The following SLC25A48 variants were observed in gnomAD, a reference collection of about 807,000 sequenced individuals.
The protein encoded by SLC25A48 is CTC-321K16.1.
Under a neutral mutation model 32.2 loss-of-function variants are expected in SLC25A48, and 29 were observed. The observed-to-expected ratio is 0.90, with a 90% CI of 0.67 to 1.23. The LOEUF (loss-of-function observed/expected upper bound fraction) is 1.23. Among genes scored for constraint, SLC25A48 ranks in the 50% most tolerant of loss-of-function variants. The pLI, the probability that SLC25A48 is intolerant of heterozygous loss-of-function variation, is 0.00. For missense variants in SLC25A48, 399 were observed against 422.7 expected (o/e 0.94, Z 0.49); for synonymous variants, 164 against 172.3 (o/e 0.95, Z 0.38).
At chr5:135,670,885 T>G (rs939914546) in intron 3 of SLC25A48, among the ~76,000 whole-genome samples, 4 of 152,160 alleles carry the variant, frequency 2.6e-5, no homozygotes, top group African/African-American at 9.7e-5. Context: ...ATTAATAGCC[T>G]CCCTCCCCAG....
At chr5:135,743,418 T>C (rs1172946981) in intron 3 of SLC25A48, among the ~76,000 whole-genome samples, 1 of 151,952 alleles carries the variant, frequency 6.6e-6, no homozygotes, top group Non-Finnish European at 1.5e-5. Flanking sequence ...TGGCATCTGA[T>C]GGGTAGAGGC....
Position 135,667,762 on chromosome 5 carries a change from A to G in SLC25A48, c.-521+32806A>G, listed in dbSNP as rs571166571. Among the ~76,000 whole-genome samples the G allele has an allele frequency of 2.0e-5, 3 of 152,372 alleles. No homozygotes were observed. The South Asian group carries it at 6.2e-4, about 32-fold the overall frequency. ...ACCTTTGAATGAATGACGTAAAGCC[A>G]TAAAAAATCCTGTCATTTAAAAGTT... On this transcript the variant is annotated intron_variant, in intron 3 of 10. Transcript: ENST00000646290.
At position 135,834,790 on chromosome 5, in the gene SLC25A48, CCA is replaced by C; in HGVS notation, c.-56_-55del. ...CGCGCTCGCGCCCGCGGGCCATGCC[CCA>C]CTGACTCTAAGTGGGCACTGCCCCG... On this transcript the variant is annotated 5_prime_UTR_variant, in exon 1 of 8. An upstream open reading frame in the 5' UTR loses its in-frame stop. Transcript: ENST00000681962. 1.3e-6 allele frequency: 2 copies of C among 1,519,000 alleles called. No individual in the cohort carries two copies. The highest frequency in any genetic ancestry group is 1.8e-6 in the Non-Finnish European group (2 of 1,128,718). The allele number at this position is 1,519,000 out of a possible 1,614,324, so 94.1% of individuals were successfully genotyped here.
At chr5:135,740,234 C>T (rs138521604) in intron 3 of SLC25A48, among the ~76,000 whole-genome samples, 1,524 of 152,130 alleles carry the variant, frequency 0.01, 34 homozygotes, top group African/African-American at 0.035. Flanking sequence ...CGGTCTGTCA[C>T]CCAGGCTGGA....
At chr5:135,660,463 C>T (rs1488197167) in intron 3 of SLC25A48, among the ~76,000 whole-genome samples, 2 of 152,216 alleles carry the variant, frequency 1.3e-5, no homozygotes, top group East Asian at 3.9e-4. Context: ...CCTAAGCCCT[C>T]TGCCATTTGG....
chr5:135,595,025 C>T (rs1003645835), intron 1 of SLC25A48, among the ~76,000 whole-genome samples: 4 of 152,164 alleles, frequency 2.6e-5, no homozygotes, highest in Non-Finnish European at 5.9e-5. Flanking sequence ...TCAGCCTCAT[C>T]GATCTGAGGC....
At chr5:135,842,009 C>T (rs1759043135) in intron 1 of SLC25A48, among the ~76,000 whole-genome samples, 1 of 152,176 alleles carries the variant, frequency 6.6e-6, no homozygotes, top group Admixed American at 6.5e-5. Context: ...CACTTGGTAT[C>T]ATATCTGAGA....
intron 2 of SLC25A48, among the ~76,000 whole-genome samples, chr5:135,846,758 A>G (rs1292942821): frequency 4.6e-5 from 7 of 152,148 alleles, no homozygotes; most frequent in East Asian, 3.8e-4. Context: ...CCCATTCTCT[A>G]TAAGGACCAA....
At chr5:135,698,336 G>A in intron 3 of SLC25A48, among the ~76,000 whole-genome samples, 1 of 152,146 alleles carries the variant, frequency 6.6e-6, no homozygotes, top group East Asian at 1.9e-4. Context: ...TTTTTCTTTG[G>A]CTGGTGGTTC....
intron 1 of SLC25A48, among the ~76,000 whole-genome samples, chr5:135,625,210 A>C (rs1255970628): frequency 6.6e-6 from 1 of 152,050 alleles, no homozygotes; most frequent in Non-Finnish European, 1.5e-5. Context: ...CCCTGAAGGG[A>C]AGGGTTTTCT....
At chr5:135,787,659 TA>T (rs1457689262) in intron 3 of SLC25A48, among the ~76,000 whole-genome samples, 12 of 151,960 alleles carry the variant, frequency 7.9e-5, no homozygotes, top group Admixed American at 1.3e-4. Context: ...CGTAATATCC[TA>T]GGGGGGATGT....
chr5:135,788,328 T>A (rs1580880070), intron 3 of SLC25A48, among the ~76,000 whole-genome samples: 1 of 131,622 alleles, frequency 7.6e-6, no homozygotes. Flanking sequence ...GGGAGAGAGG[T>A]GATATTACTC....
intron 3 of SLC25A48, among the ~76,000 whole-genome samples, chr5:135,751,235 T>C (rs968280216): frequency 6.6e-6 from 1 of 152,184 alleles, no homozygotes; most frequent in African/African-American, 2.4e-5. Flanking sequence ...GCTCAGGCCC[T>C]CCTCCTTCTC....
chr5:135,883,976 T>C (rs1201571106), intron 7 of SLC25A48, among the ~76,000 whole-genome samples: 2 of 152,170 alleles, frequency 1.3e-5, no homozygotes, highest in African/African-American at 4.8e-5. Flanking sequence ...TAGTCAATCA[T>C]AGAGCCCTTT....
chr5:135,734,377 G>T (rs183857926), intron 3 of SLC25A48, among the ~76,000 whole-genome samples: 449 of 152,216 alleles, frequency 2.9e-3, no homozygotes, highest in Non-Finnish European at 4.6e-3. Context: ...AACTAAAAAA[G>T]ACTTCATAAA....
chr5:135,581,234 T>G (rs971865153), intron 1 of SLC25A48, among the ~76,000 whole-genome samples: 1 of 152,272 alleles, frequency 6.6e-6, no homozygotes, highest in African/African-American at 2.4e-5. Flanking sequence ...GTCATACAGA[T>G]GTACCAGAAT....
chr5:135,632,233 A>G (rs1054918379), intron 2 of SLC25A48, among the ~76,000 whole-genome samples: 3 of 152,218 alleles, frequency 2.0e-5, no homozygotes, highest in African/African-American at 7.2e-5. Flanking sequence ...GGGAGCCACT[A>G]AAAGGTTTCA....
intron 3 of SLC25A48, among the ~76,000 whole-genome samples, chr5:135,655,888 C>T (rs1455510134): frequency 1.3e-5 from 2 of 152,138 alleles, no homozygotes; most frequent in African/African-American, 4.8e-5. Context: ...ATATTCTTTT[C>T]TGCAAGGATT....
intron 3 of SLC25A48, among the ~76,000 whole-genome samples, chr5:135,712,048 C>T (rs1398733380): frequency 6.6e-6 from 1 of 152,094 alleles, no homozygotes; most frequent in Non-Finnish European, 1.5e-5. Flanking sequence ...TTGGCCTTGA[C>T]CCTGAATTGT....
Sources: allele counts gnomAD v4.1 joint callset (sites outside exome capture counted in the v4.1 genomes callset), GRCh38; gene constraint gnomAD v4.1.1; transcripts MANE v1.5; gene names NCBI Gene and HGNC (gene_info 2026-07-23, HGNC 2026-07-21).